The following AGMO variants were observed in gnomAD, a reference collection of about 807,000 sequenced individuals.
AGMO encodes glyceryl-ether monooxygenase.
AGMO carries 75 observed loss-of-function variants against 60.2 expected under a neutral mutation model. That is an observed-to-expected ratio of 1.25 (90% confidence interval 1.03 to 1.51). The LOEUF (loss-of-function observed/expected upper bound fraction) is 1.51, where lower values mean the gene tolerates loss of function less well. Among genes scored for constraint, AGMO ranks in the 40% most tolerant of loss-of-function variants. The pLI is 0.00. For synonymous variants in AGMO, 261 were observed against 177.1 expected (o/e 1.47, Z -3.76); for missense variants, 763 against 525.5 (o/e 1.45, Z -4.42).
intron 3 of AGMO, among the ~76,000 whole-genome samples, chr7:15,514,187 C>T (rs1783749137): frequency 6.6e-6 from 1 of 152,118 alleles, no homozygotes; most frequent in Admixed American, 6.5e-5. Context: ...TTGAACTCAT[C>T]AACTCCTGGC....
intron 12 of AGMO, among the ~76,000 whole-genome samples, chr7:15,258,292 G>C (rs931234109): frequency 6.6e-6 from 1 of 151,844 alleles, no homozygotes; most frequent in African/African-American, 2.4e-5. Flanking sequence ...TTATAGGCTT[G>C]GTATACTTTT....
intron 12 of AGMO, among the ~76,000 whole-genome samples, chr7:15,343,955 T>C (rs1781944382): frequency 6.6e-6 from 1 of 152,134 alleles, no homozygotes; most frequent in African/African-American, 2.4e-5. Context: ...ACAATAATAA[T>C]ATTTTCCTTT....
intron 12 of AGMO, among the ~76,000 whole-genome samples, chr7:15,342,920 G>T (rs184701617): frequency 6.6e-6 from 1 of 151,732 alleles, no homozygotes; most frequent in Non-Finnish European, 1.5e-5. Flanking sequence ...GGTACTAAAA[G>T]GCTTCTCTGT....
chr7:15,292,717 G>C (rs1270708519), intron 12 of AGMO, among the ~76,000 whole-genome samples: 1 of 148,182 alleles, frequency 6.7e-6, no homozygotes, highest in African/African-American at 2.5e-5. Context: ...TGAGTCTCCA[G>C]CCTCTGGAAA....
intron 3 of AGMO, among the ~76,000 whole-genome samples, chr7:15,440,969 C>T (rs1032992337): frequency 6.6e-6 from 1 of 152,222 alleles, no homozygotes; most frequent in African/African-American, 2.4e-5. Flanking sequence ...CAACAATTAC[C>T]TAGATCTCTG....
chr7:15,357,971 A>G (rs1782605526), intron 12 of AGMO, among the ~76,000 whole-genome samples: 1 of 152,232 alleles, frequency 6.6e-6, no homozygotes, highest in South Asian at 2.1e-4. Context: ...AGAAAGGAAG[A>G]GAAAAAAAGC....
At chr7:15,447,546 T>TTCTTTTCTTTTTTC (rs1781732398) in intron 3 of AGMO, among the ~76,000 whole-genome samples, 1 of 152,068 alleles carries the variant, frequency 6.6e-6, no homozygotes, top group Non-Finnish European at 1.5e-5. Flanking sequence ...ATGTTCTCAT[T>TTCTTTTCTTTTTTC]TCTTTTCTTT....
chr7:15,538,132 G>A (rs1784527449), intron 3 of AGMO, among the ~76,000 whole-genome samples: 1 of 152,110 alleles, frequency 6.6e-6, no homozygotes, highest in South Asian at 2.1e-4. Context: ...CTGAGGAAAA[G>A]TAAGGGATCA....
At chr7:15,302,629 G>T (rs916736898) in intron 12 of AGMO, among the ~76,000 whole-genome samples, 2 of 152,110 alleles carry the variant, frequency 1.3e-5, no homozygotes, top group Admixed American at 1.3e-4. Context: ...CGCAGTACTT[G>T]TTACAAAGCA....
At chr7:15,519,270 A>G (rs1393724025) in intron 3 of AGMO, among the ~76,000 whole-genome samples, 1 of 152,140 alleles carries the variant, frequency 6.6e-6, no homozygotes. Flanking sequence ...CAACCCACCA[A>G]GACAGGCCAA....
chr7:15,482,973 A>T (rs1782799861), intron 3 of AGMO, among the ~76,000 whole-genome samples: 2 of 152,164 alleles, frequency 1.3e-5, no homozygotes, highest in African/African-American at 4.8e-5. Flanking sequence ...AACAAAGGTA[A>T]TTTCCTCTAT....
intron 3 of AGMO, among the ~76,000 whole-genome samples, chr7:15,477,545 A>G (rs1044955299): frequency 6.6e-6 from 1 of 152,284 alleles, no homozygotes; most frequent in South Asian, 2.1e-4. Context: ...GTTTGCATAC[A>G]TTGAATGAAA....
chr7:15,118,834 C>G, the AGMO span, among the ~76,000 whole-genome samples: 1 of 149,888 alleles, frequency 6.7e-6, no homozygotes, highest in Non-Finnish European at 1.5e-5. Flanking sequence ...AGTTCTCTCA[C>G]CCCAGATATT....
chr7:15,355,749 T>A (rs1782507557), intron 12 of AGMO, among the ~76,000 whole-genome samples: 1 of 151,722 alleles, frequency 6.6e-6, no homozygotes, highest in African/African-American at 2.4e-5. Flanking sequence ...TAAAGGGGAG[T>A]ATTGTATTAT....
rs536902912 is a variant in AGMO, at chr7:15,387,135, G to T, written c.957+271C>A. 1.6e-3 allele frequency among the ~76,000 whole-genome samples: 244 copies of T among 152,268 alleles called. 1 individual carries two copies. Among genetic ancestry groups the T allele is most frequent in the African/African-American group, 5.3e-3 (221 of 41,556 alleles). ...AGTTATGCCCTACACAAAGGCAAGCGTTCAAGTCGATATGAAAACCAGCCT... is the reference window on the plus strand; with the variant it reads ...AGTTATGCCCTACACAAAGGCAAGCTTTCAAGTCGATATGAAAACCAGCCT... On this transcript the variant is annotated intron_variant, in intron 9 of 12. Coordinates refer to ENST00000342526, the MANE Select transcript of AGMO (RefSeq NM_001004320.2).
At chr7:15,549,093 ATACTT>A (rs1784871082) in intron 2 of AGMO, among the ~76,000 whole-genome samples, 1 of 150,420 alleles carries the variant, frequency 6.6e-6, no homozygotes, top group Non-Finnish European at 1.5e-5. Flanking sequence ...GAGAAATAAA[ATACTT>A]TACAGACAAG....
At chr7:15,293,355 C>T (rs1395839501) in intron 12 of AGMO, among the ~76,000 whole-genome samples, 1 of 152,018 alleles carries the variant, frequency 6.6e-6, no homozygotes, top group Non-Finnish European at 1.5e-5. Context: ...CACTATTTAT[C>T]TCGTGTTGCT....
chr7:15,408,046 A>G (rs928865655), intron 5 of AGMO, among the ~76,000 whole-genome samples: 3 of 151,896 alleles, frequency 2.0e-5, no homozygotes, highest in African/African-American at 7.2e-5. Flanking sequence ...GATGTTGCAG[A>G]GGAAGTGGTA....
intron 5 of AGMO, among the ~76,000 whole-genome samples, chr7:15,397,131 C>T (rs1184385237): frequency 2.0e-5 from 3 of 152,250 alleles, no homozygotes; most frequent in African/African-American, 7.2e-5. Flanking sequence ...TGGGCACTCC[C>T]GCAGCCCAGA....
Sources: allele counts gnomAD v4.1 joint callset (sites outside exome capture counted in the v4.1 genomes callset), GRCh38; gene constraint gnomAD v4.1.1; transcripts MANE v1.5; gene names NCBI Gene and HGNC (gene_info 2026-07-23, HGNC 2026-07-21).